GALNT10: variants seen among roughly 807,000 people sequenced by gnomAD.
GALNT10 encodes GalNAc transferase 10.
In GALNT10, 41 loss-of-function variants were observed where a neutral mutation model predicts 75.0. That is an observed-to-expected ratio of 0.55 (90% CI 0.43 to 0.71). GALNT10 has a LOEUF of 0.71. GALNT10 is among the 30% of genes least tolerant of loss of function. The pLI, the probability that GALNT10 is intolerant of heterozygous loss-of-function variation, is 0.00. For missense variants in GALNT10, 727 were observed against 818.5 expected (o/e 0.89, Z 1.36); for synonymous variants, 302 against 313.0 (o/e 0.96, Z 0.37).
At chr5:154,357,534 T>C (rs1755314294) in intron 4 of GALNT10, among the ~76,000 whole-genome samples, 1 of 152,160 alleles carries the variant, frequency 6.6e-6, no homozygotes, top group South Asian at 2.1e-4. Context: ...AGAGTTTATG[T>C]TCCTTTCAAG....
chr5:154,200,449 G>A (rs1775009836), intron 1 of GALNT10, among the ~76,000 whole-genome samples: 1 of 152,194 alleles, frequency 6.6e-6, no homozygotes, highest in Admixed American at 6.5e-5. Context: ...TGGCAGGGGT[G>A]TGTGTGTGAA....
intron 7 of GALNT10, among the ~76,000 whole-genome samples, chr5:154,394,612 T>C (rs778005303): frequency 2.6e-5 from 4 of 152,098 alleles, no homozygotes; most frequent in Non-Finnish European, 4.4e-5. Context: ...GAGAGGCCCG[T>C]GTTCCAGGAA....
intron 1 of GALNT10, among the ~76,000 whole-genome samples, chr5:154,255,766 G>A (rs990853134): frequency 2.6e-5 from 4 of 151,928 alleles, no homozygotes; most frequent in Non-Finnish European, 5.9e-5. Context: ...AATGAGAGCT[G>A]GGAGGTTACT....
intron 3 of GALNT10, among the ~76,000 whole-genome samples, chr5:154,316,464 G>A (rs1165998147): frequency 6.6e-6 from 1 of 152,216 alleles, no homozygotes; most frequent in African/African-American, 2.4e-5. Context: ...TGATGGCAAG[G>A]CACAGGCCTG....
intron 4 of GALNT10, chr5:154,356,041 A>T (rs1280107895): frequency 2.3e-6 from 1 of 433,562 alleles, no homozygotes; most frequent in Admixed American, 2.5e-5. Flanking sequence ...ATTTCCTGAA[A>T]GCCTCTGTTT....
At chr5:154,302,519 G>C (rs939549083) in intron 3 of GALNT10, among the ~76,000 whole-genome samples, 1 of 152,266 alleles carries the variant, frequency 6.6e-6, no homozygotes, top group Non-Finnish European at 1.5e-5. Context: ...AGAGCACAGG[G>C]CTGATGGCAC....
intron 1 of GALNT10, among the ~76,000 whole-genome samples, chr5:154,200,904 T>G (rs1775018990): frequency 6.6e-6 from 1 of 152,254 alleles, no homozygotes; most frequent in Non-Finnish European, 1.5e-5. Flanking sequence ...TTTTTAAATG[T>G]TCATATGTTA....
chr5:154,194,761 C>A (rs1774909900), intron 1 of GALNT10, among the ~76,000 whole-genome samples: 1 of 152,180 alleles, frequency 6.6e-6, no homozygotes, highest in African/African-American at 2.4e-5. Flanking sequence ...TGCTAATCAA[C>A]CTTTTCATTA....
In GALNT10 at chr5:154,298,434, CTTTCTATA is replaced by C. The variant is rs1241277605; in HGVS notation, c.401+357_401+364del. ...GTTTTTATTTCTTTTTAAAAAAAATCTTTCTATATATTTGTATCTTTGTTATAAACCAT... is the reference window on the plus strand; with the variant it reads ...GTTTTTATTTCTTTTTAAAAAAAATCTATTTGTATCTTTGTTATAAACCAT... On this transcript the variant is annotated intron_variant, in intron 3 of 11. Coordinates refer to ENST00000297107, the MANE Select transcript of GALNT10 (RefSeq NM_198321.4). The surrounding 1 kb of genome is among the most constrained non-coding windows in gnomAD (Gnocchi z 4.1). 6.6e-6 allele frequency among the ~76,000 whole-genome samples: 1 copy of C among 151,952 alleles called. No homozygotes were observed. The highest frequency in any genetic ancestry group is 1.5e-5 in the Non-Finnish European group (1 of 68,012).
At chr5:154,264,067 C>T (rs977733611) in intron 1 of GALNT10, among the ~76,000 whole-genome samples, 1 of 152,142 alleles carries the variant, frequency 6.6e-6, no homozygotes, top group African/African-American at 2.4e-5. Flanking sequence ...AATCCCAGTA[C>T]TTTGAGAGGC....
At chr5:154,310,952 ACTT>A (rs1368543593) in intron 3 of GALNT10, among the ~76,000 whole-genome samples, 3 of 152,174 alleles carry the variant, frequency 2.0e-5, no homozygotes, top group Non-Finnish European at 4.4e-5. Flanking sequence ...TCTTACATTG[ACTT>A]CTTTTCTCTA....
At chr5:154,401,747 G>A (rs545352432) in intron 7 of GALNT10, among the ~76,000 whole-genome samples, 4 of 152,274 alleles carry the variant, frequency 2.6e-5, no homozygotes, top group South Asian at 2.1e-4. Context: ...GCAGGAAGTA[G>A]TGGGGGACAA....
At position 154,248,358 on chromosome 5, in the gene GALNT10, A is replaced by G. The variant is rs1027475792; in HGVS notation, c.160-46458A>G. Among the ~76,000 whole-genome samples the G allele has an allele frequency of 5.3e-5, 8 of 152,086 alleles. No homozygotes were observed. The East Asian group carries it at 5.8e-4, about 11-fold the overall frequency. On this transcript the variant is annotated intron_variant, in intron 1 of 11. Transcript: ENST00000297107. ...GTTAGGGAGGATTCCCTCTTTTTCT[A>G]TTGATTGGAATAGTTTCAGAAGGAA... is the stretch of plus-strand genomic sequence containing the variant.
At chr5:154,358,411 T>C (rs1481759709) in intron 4 of GALNT10, among the ~76,000 whole-genome samples, 1 of 152,170 alleles carries the variant, frequency 6.6e-6, no homozygotes, top group Non-Finnish European at 1.5e-5. Flanking sequence ...GAGCATTCTG[T>C]TATCACCTTA....
At chr5:154,315,214 A>G (rs1164388967) in intron 3 of GALNT10, among the ~76,000 whole-genome samples, 1 of 152,252 alleles carries the variant, frequency 6.6e-6, no homozygotes, top group East Asian at 1.9e-4. Flanking sequence ...AGATTTAGAG[A>G]TAGGACAGAA....
chr5:154,216,312 C>G (rs1752870992), intron 1 of GALNT10, among the ~76,000 whole-genome samples: 1 of 152,024 alleles, frequency 6.6e-6, no homozygotes, highest in East Asian at 1.9e-4. Context: ...TGAAGGTCAC[C>G]AGCTTTTTCT....
intron 8 of GALNT10, among the ~76,000 whole-genome samples, chr5:154,406,510 C>A (rs1374001533): frequency 6.6e-6 from 1 of 152,142 alleles, no homozygotes; most frequent in Non-Finnish European, 1.5e-5. Flanking sequence ...AATATTTGTT[C>A]AGTGGGCCGG....
intron 1 of GALNT10, among the ~76,000 whole-genome samples, chr5:154,207,293 C>A (rs562411379): frequency 6.6e-6 from 1 of 152,310 alleles, no homozygotes; most frequent in African/African-American, 2.4e-5. Flanking sequence ...CAGGTCAGGT[C>A]CTGTGCCTGG....
intron 4 of GALNT10, among the ~76,000 whole-genome samples, chr5:154,357,168 G>A (rs893067055): frequency 1.3e-5 from 2 of 152,162 alleles, no homozygotes; most frequent in Non-Finnish European, 2.9e-5. Flanking sequence ...GCAAATTTTG[G>A]TAGTAAGGAG....
Sources: gnomAD v4.1 joint callset for allele counts (sites outside exome capture counted in the v4.1 genomes callset) on GRCh38, gnomAD v4.1.1 for gene constraint, Gnocchi (gnomAD v3.1) non-coding constraint, MANE v1.5 for transcripts, NCBI Gene and HGNC (gene_info 2026-07-23, HGNC 2026-07-21) for gene names.